ZDHHC24: variants seen among roughly 807,000 people sequenced by gnomAD.
ZDHHC24 encodes zDHHC palmitoyltransferase 24.
Under a neutral mutation model 23.2 loss-of-function variants are expected in ZDHHC24, and 17 were observed. The ratio of observed to expected loss-of-function variants is 0.73; its 90% CI spans 0.50 to 1.10. The LOEUF is 1.10. ZDHHC24 is among the 50% of genes least tolerant of loss of function. ZDHHC24 has a pLI of 0.00. For missense variants in ZDHHC24, 366 were observed against 393.0 expected, an observed-to-expected ratio of 0.93 and a Z score of 0.58; for synonymous variants, 186 against 194.5, an observed-to-expected ratio of 0.96 and a Z score of 0.36.
In ZDHHC24 at chr11:66,521,285, G is replaced by A. The variant is rs763004810; in HGVS notation, c.*203C>T. 3.4e-5 allele frequency: 55 copies of A among 1,613,976 alleles called. No individual in the cohort carries two copies. The highest frequency in any genetic ancestry group is 4.1e-5 in the Non-Finnish European group (48 of 1,179,970). On this transcript the variant is annotated 3_prime_UTR_variant, in exon 5 of 5. Transcript: ENST00000526986. ...TTGTTTGCAGATGAGCCTTCCCAGC[G>A]TCCCCGTCTTCCTAGAGGTTTCTGG...
intron 2 of ZDHHC24, among the ~76,000 whole-genome samples, chr11:66,541,787 A>G (rs1290738372): frequency 6.6e-6 from 1 of 152,104 alleles, no homozygotes; most frequent in African/African-American, 2.4e-5. Flanking sequence ...CTCATAAAGC[A>G]AGAAAGGGTC....
At position 66,523,718 on chromosome 11, in the gene ZDHHC24, T is replaced by G. The variant is rs1425102626; in HGVS notation, c.*22-2252A>C. On this transcript the variant is annotated intron_variant, in intron 4 of 4. Coordinates refer to the ZDHHC24 transcript ENST00000526986. ...CCCTCCACAGACGCTGGCTGTTCCC[T>G]GCCAGGGGAAGAAGCTGTGGACAGT... is the stretch of plus-strand genomic sequence containing the variant. The G allele has an allele frequency of 1.9e-6, 3 of 1,610,852 alleles. No individual in the cohort carries two copies. In the East Asian group the frequency reaches 6.7e-5, roughly 36 times the overall value.
At chr11:66,543,606 C>G in intron 2 of ZDHHC24, 98 bp downstream of exon 2, 2 of 1,428,908 alleles carry the variant, frequency 1.4e-6, no homozygotes, top group South Asian at 3.0e-5. Flanking sequence ...GGCTGGGTCC[C>G]CCAGGCCAGA....
chr11:66,523,957 C>T (rs1856369099), intron 4 of ZDHHC24: 2 of 1,584,746 alleles, frequency 1.3e-6, no homozygotes, highest in African/African-American at 1.3e-5. Flanking sequence ...TTAGCTGCCT[C>T]TTCCGACCAC....
chr11:66,524,741 T>G (rs549265291), intron 4 of ZDHHC24, among the ~76,000 whole-genome samples: 8 of 152,282 alleles, frequency 5.3e-5, no homozygotes, highest in African/African-American at 1.9e-4. Context: ...ACCAGCAACA[T>G]TTTTAAAAAT....
chr11:66,543,510 C>T (rs1055615042), intron 2 of ZDHHC24, among the ~76,000 whole-genome samples, 194 bp downstream of exon 2: 10 of 152,212 alleles, frequency 6.6e-5, no homozygotes, highest in African/African-American at 2.2e-4. Context: ...CCAGCCAGAA[C>T]GCTGCACTTG....
chr11:66,531,991 G>A, downstream of ZDHHC24: 1 of 1,607,672 alleles, frequency 6.2e-7, no homozygotes. Flanking sequence ...CCCCTGCTGA[G>A]TGCCCACGTC....
intron 4 of ZDHHC24, chr11:66,523,904 T>G: frequency 3.7e-6 from 6 of 1,611,886 alleles, no homozygotes; most frequent in African/African-American, 1.3e-5. Context: ...CTCCGGCATC[T>G]GCCACTCACT....
chr11:66,531,883 G>C (rs1856798659), downstream of ZDHHC24: 7 of 1,581,874 alleles, frequency 4.4e-6, no homozygotes, highest in Non-Finnish European at 6.0e-6. Flanking sequence ...CCTGTCATTA[G>C]GGCCAGCGCA....
downstream of ZDHHC24, chr11:66,531,758 G>C (rs779251268): frequency 1.9e-6 from 3 of 1,613,974 alleles, no homozygotes; most frequent in Non-Finnish European, 1.7e-6. Context: ...CCCCGCACTT[G>C]TACCACGTGG....
intron 4 of ZDHHC24, chr11:66,526,210 T>G: frequency 6.2e-7 from 1 of 1,613,038 alleles, no homozygotes; most frequent in Non-Finnish European, 8.5e-7. Flanking sequence ...GAGTCAGACC[T>G]GGCAAGGGCT....
At chr11:66,529,761 T>C in intron 2 of ZDHHC24, 1 of 1,601,746 alleles carries the variant, frequency 6.2e-7, no homozygotes, top group Non-Finnish European at 8.5e-7. Flanking sequence ...GCCCCGTTGC[T>C]GCCTCCTCCC....
intron 3 of ZDHHC24, among the ~76,000 whole-genome samples, chr11:66,527,229 G>A (rs138280057): frequency 7.3e-5 from 11 of 151,700 alleles, no homozygotes; most frequent in Non-Finnish European, 8.8e-5. Flanking sequence ...AAGAGAGAGA[G>A]AGAAAGAGAA....
chr11:66,528,676 T>C (rs1856621553), intron 3 of ZDHHC24, among the ~76,000 whole-genome samples: 1 of 152,056 alleles, frequency 6.6e-6, no homozygotes, highest in Non-Finnish European at 1.5e-5. Context: ...AAAAGAAAAT[T>C]AGACCTTTTC....
intron 4 of ZDHHC24, chr11:66,526,250 C>A: frequency 6.6e-7 from 1 of 1,525,006 alleles, no homozygotes; most frequent in Non-Finnish European, 9.1e-7. Context: ...GACAGGCCTG[C>A]TTCTGGGGAA....
Position 66,523,771 on chromosome 11 carries a change from G to A in ZDHHC24, c.*22-2305C>T, listed in dbSNP as rs1856357942. The A allele has an allele frequency of 6.2e-7, 1 of 1,613,120 alleles. No homozygotes were observed. The highest frequency in any genetic ancestry group is 8.5e-7 in the Non-Finnish European group (1 of 1,180,030). On this transcript the variant is annotated intron_variant, in intron 4 of 4. Transcript: ENST00000526986. ...AGATGCCCGCAGCCATCCTGACCAT[G>A]AACCTCCTGGAGCAGCATTCCCGGG...
chr11:66,529,982 G>A, intron 2 of ZDHHC24: 2 of 1,585,858 alleles, frequency 1.3e-6, no homozygotes, highest in Admixed American at 1.7e-5. Flanking sequence ...CAGAGTCAGG[G>A]CCAGAGGGGC....
At chr11:66,523,402 A>C in intron 4 of ZDHHC24, 1 of 1,613,890 alleles carries the variant, frequency 6.2e-7, no homozygotes, top group Non-Finnish European at 8.5e-7. Flanking sequence ...AGGGTCAGCC[A>C]TAGAAGTGGA....
chr11:66,523,317 G>A, intron 4 of ZDHHC24: 1 of 1,207,722 alleles, frequency 8.3e-7, no homozygotes, highest in Non-Finnish European at 1.2e-6. Flanking sequence ...GGTGGCAGAA[G>A]TGGAAATAAT....
Sources: allele counts gnomAD v4.1 joint callset (sites outside exome capture counted in the v4.1 genomes callset), GRCh38; gene constraint gnomAD v4.1.1; transcripts MANE v1.5; gene names NCBI Gene and HGNC (gene_info 2026-07-23, HGNC 2026-07-21).